Variants in EDIL3 observed in about 807,000 individuals in gnomAD.
The protein encoded by EDIL3 is EGF like and discoidin domains 3.
EDIL3 carries 37 observed loss-of-function variants against 67.4 expected under a neutral mutation model. The observed-to-expected ratio is 0.55, with a 90% CI of 0.42 to 0.72. EDIL3 has a LOEUF of 0.72. Among genes scored for constraint, EDIL3 ranks in the 30% least tolerant of loss-of-function variants. The pLI is 0.00. For synonymous variants in EDIL3, 195 were observed against 196.3 expected (o/e 0.99, Z 0.05); for missense variants, 527 against 586.3 (o/e 0.90, Z 1.04).
chr5:83,993,267 G>C (rs909307534), intron 9 of EDIL3, among the ~76,000 whole-genome samples: 1 of 151,992 alleles, frequency 6.6e-6, no homozygotes, highest in Non-Finnish European at 1.5e-5. Context: ...CGACCTCCTC[G>C]GCTCAGTTGA....
chr5:84,129,253 C>T lies in EDIL3; in HGVS notation c.469+7988G>A, dbSNP rs139874847. ...TTTCAAAAACTTCATCCTGCAGTAA[C>T]GTTGAAATTGTTTCTTTCTTTATTG... is the stretch of plus-strand genomic sequence containing the variant. On this transcript the variant is annotated intron_variant, in intron 5 of 10. Transcript: ENST00000296591. Among the ~76,000 whole-genome samples, 16 of 152,094 alleles carry T rather than the reference C, an allele frequency of 1.1e-4. No homozygotes were observed. The East Asian group carries it at 1.7e-3, about 17-fold the overall frequency.
intron 5 of EDIL3, among the ~76,000 whole-genome samples, chr5:84,123,091 A>G (rs1015426938): frequency 5.9e-5 from 9 of 151,738 alleles, no homozygotes; most frequent in Non-Finnish European, 1.0e-4. Context: ...CTATTTTCAC[A>G]TTTCCTCTTT....
At chr5:84,152,386 A>G (rs971612932) in intron 4 of EDIL3, among the ~76,000 whole-genome samples, 2 of 152,212 alleles carry the variant, frequency 1.3e-5, no homozygotes, top group African/African-American at 4.8e-5. Flanking sequence ...CAAGACAACA[A>G]TTTCCATGGT....
chr5:84,341,076 A>G (rs1747101973), intron 1 of EDIL3, among the ~76,000 whole-genome samples: 2 of 151,946 alleles, frequency 1.3e-5, no homozygotes, highest in Admixed American at 6.6e-5. Context: ...CAAATCATCC[A>G]ACTACATTTC....
intron 8 of EDIL3, 40 bp from the exon 9 acceptor site, chr5:84,060,524 G>T (rs939768020): frequency 6.2e-7 from 1 of 1,605,828 alleles, no homozygotes; most frequent in South Asian, 1.1e-5. Context: ...AAAAATAATT[G>T]ATCACCTGGA....
rs1220435854 is a variant in EDIL3, at chr5:84,356,126, T to A, written c.67+28182A>T. On this transcript the variant is annotated intron_variant, in intron 1 of 10. Transcript: ENST00000296591. ...TTTCAAGGTTCATTTTTAACAAAGT[T>A]GCAAGAGTGTTGGGAAGTGTAGCTT... is the stretch of plus-strand genomic sequence containing the variant. Among the ~76,000 whole-genome samples, 5 of 152,304 alleles carry A rather than the reference T, an allele frequency of 3.3e-5. No individual in the cohort carries two copies. In the East Asian group the frequency reaches 9.6e-4, roughly 29 times the overall value.
At chr5:84,174,655 G>A (rs1039290637) in intron 4 of EDIL3, among the ~76,000 whole-genome samples, 6 of 152,106 alleles carry the variant, frequency 3.9e-5, no homozygotes, top group Non-Finnish European at 8.8e-5. Flanking sequence ...ATGTTAGGCA[G>A]AGAACCTCTT....
At chr5:84,238,149 G>A (rs1236658653) in intron 2 of EDIL3, among the ~76,000 whole-genome samples, 1 of 151,364 alleles carries the variant, frequency 6.6e-6, no homozygotes, top group African/African-American at 2.4e-5. Context: ...GGCAAACGGT[G>A]TGTGTGTGTG....
At chr5:84,313,781 C>T (rs1746454548) in intron 1 of EDIL3, among the ~76,000 whole-genome samples, 1 of 152,162 alleles carries the variant, frequency 6.6e-6, no homozygotes, top group African/African-American at 2.4e-5. Context: ...TTTCTTAAAG[C>T]TCCCAGGTAA....
At chr5:84,362,259 C>A (rs1747626213) in intron 1 of EDIL3, among the ~76,000 whole-genome samples, 1 of 152,030 alleles carries the variant, frequency 6.6e-6, no homozygotes. Context: ...GGAGTACAAC[C>A]AAATGAGTCA....
chr5:84,166,105 GC>G (rs1748699076), intron 4 of EDIL3, among the ~76,000 whole-genome samples: 1 of 151,922 alleles, frequency 6.6e-6, no homozygotes, highest in Non-Finnish European at 1.5e-5. Flanking sequence ...ATCTTAAAAA[GC>G]TTTAAAAATT....
At chr5:84,169,074 C>A (rs1458840373) in intron 4 of EDIL3, among the ~76,000 whole-genome samples, 1 of 152,012 alleles carries the variant, frequency 6.6e-6, no homozygotes, top group Non-Finnish European at 1.5e-5. Flanking sequence ...TGACTTCATT[C>A]ACATCTCTGC....
rs115845017 is a variant in EDIL3 at position 84,065,513 on chromosome 5, T to A, written c.808-669A>T. On this transcript the variant is annotated intron_variant, in intron 7 of 10. Coordinates refer to ENST00000296591, the MANE Select transcript of EDIL3 (RefSeq NM_005711.5). The stretch of plus-strand genomic sequence containing the variant: ...ATTTAAATTCATTTAAGGGGGTAAT[T>A]TTAAAAATATTTTATATAATTTATT... Among the ~76,000 whole-genome samples the A allele has an allele frequency of 2.2e-3, 336 of 151,566 alleles. 2 individuals carry two copies. Among genetic ancestry groups the A allele is most frequent in the African/African-American group, 7.9e-3 (324 of 41,120 alleles).
chr5:84,137,706 C>T (rs764967909), intron 4 of EDIL3, among the ~76,000 whole-genome samples: 16 of 152,120 alleles, frequency 1.1e-4, no homozygotes, highest in Non-Finnish European at 2.1e-4. Context: ...GTTTCACTTA[C>T]AAGATCGAGA....
At chr5:84,188,930 T>C (rs1269195586) in intron 3 of EDIL3, among the ~76,000 whole-genome samples, 1 of 152,052 alleles carries the variant, frequency 6.6e-6, no homozygotes, top group African/African-American at 2.4e-5. Context: ...AGCAAACTAA[T>C]ACCCTGTTTA....
At chr5:83,987,989 G>C (rs1021251808) in intron 9 of EDIL3, among the ~76,000 whole-genome samples, 2 of 151,600 alleles carry the variant, frequency 1.3e-5, no homozygotes, top group Non-Finnish European at 2.9e-5. Flanking sequence ...GGCATCCAAC[G>C]GGAGTACAGT....
chr5:84,175,236 A>G lies in EDIL3; in HGVS notation c.355+5157T>C, dbSNP rs1748882252. On this transcript the variant is annotated intron_variant, in intron 4 of 10. Transcript: ENST00000296591. ...AACAAAAAGCTAAAAGAAGCCATCA[A>G]GTTAAAATTATAAAGAGTAACTTAA... is the stretch of plus-strand genomic sequence containing the variant. 2.0e-5 allele frequency among the ~76,000 whole-genome samples: 3 copies of G among 152,314 alleles called. No homozygotes were observed. In the South Asian group the frequency reaches 6.2e-4, roughly 32 times the overall value.
intron 4 of EDIL3, among the ~76,000 whole-genome samples, chr5:84,175,443 A>G (rs1166029597): frequency 6.6e-6 from 1 of 152,244 alleles, no homozygotes; most frequent in African/African-American, 2.4e-5. Context: ...TCCATTAGGC[A>G]TACCTAACTT....
chr5:83,978,458 T>C (rs999759326), intron 9 of EDIL3, among the ~76,000 whole-genome samples: 3 of 151,874 alleles, frequency 2.0e-5, no homozygotes, highest in Admixed American at 6.6e-5. Context: ...AAAACAAAAT[T>C]CCTTCAGAAT....
Sources: allele counts gnomAD v4.1 joint callset (sites outside exome capture counted in the v4.1 genomes callset), GRCh38; gene constraint gnomAD v4.1.1; transcripts MANE v1.5; gene names NCBI Gene and HGNC (gene_info 2026-07-23, HGNC 2026-07-21).